DNM3: variants seen among roughly 807,000 people sequenced by gnomAD.
DNM3 encodes dynamin-3.
Under a neutral mutation model 101.6 loss-of-function variants are expected in DNM3, and 47 were observed. The ratio of observed to expected loss-of-function variants is 0.46; its 90% CI spans 0.37 to 0.59. The LOEUF (loss-of-function observed/expected upper bound fraction) is 0.59, where lower values mean the gene tolerates loss of function less well. Among genes scored for constraint, DNM3 ranks in the 20% least tolerant of loss-of-function variants. The probability of loss-of-function intolerance (pLI) is 0.00; values close to 1 mark genes in which losing one functional copy is unlikely to be tolerated. For synonymous variants in DNM3, 385 were observed against 387.9 expected, an observed-to-expected ratio of 0.99 and a Z score of 0.09; for missense variants, 849 against 1,085.7, an observed-to-expected ratio of 0.78 and a Z score of 3.06.
intron 17 of DNM3, among the ~76,000 whole-genome samples, chr1:172,375,810 A>G (rs1014301778): frequency 2.7e-5 from 4 of 149,798 alleles, no homozygotes; most frequent in Non-Finnish European, 4.4e-5. Context: ...GGAATTTGAG[A>G]TAAGCCTGGG....
At chr1:172,014,229 C>G (rs1440445265) in intron 4 of DNM3, among the ~76,000 whole-genome samples, 2 of 152,088 alleles carry the variant, frequency 1.3e-5, no homozygotes, top group East Asian at 3.8e-4. Context: ...TTTGCAGCAA[C>G]CTGGATGGAA....
At chr1:171,999,613 G>A (rs147331122) in intron 4 of DNM3, among the ~76,000 whole-genome samples, 119 of 152,138 alleles carry the variant, frequency 7.8e-4, no homozygotes, top group Middle Eastern at 3.4e-3. Context: ...AAAGATATAT[G>A]TAAAGCCCAA....
rs41263736 is a variant in DNM3 at position 172,411,326 on chromosome 1, G to A, written c.*3485G>A. On this transcript the variant is annotated 3_prime_UTR_variant, in exon 21 of 21. Transcript: ENST00000627582. ...AAGCTCATAATTACCATGACAACAT[G>A]GTAATGTCCATAGACATTTGTATCT... 0.062 allele frequency: 60,935 copies of A among 984,910 alleles called. 1,944 individuals are homozygous for A. Among genetic ancestry groups the A allele is most frequent in the Middle Eastern group, 0.11 (215 of 1,914 alleles). The allele number at this position is 984,910 out of a possible 1,614,324, so 61.0% of individuals were successfully genotyped here. A position where few individuals can be genotyped will look rare whatever the true frequency, so the allele number is the denominator to read the frequency against.
At chr1:172,312,920 G>T (rs2065142920) in intron 16 of DNM3, among the ~76,000 whole-genome samples, 1 of 152,112 alleles carries the variant, frequency 6.6e-6, no homozygotes, top group Non-Finnish European at 1.5e-5. Flanking sequence ...GCAAAATGTA[G>T]AATTTTTGTC....
At chr1:172,304,369 G>C (rs1573380699) in intron 15 of DNM3, among the ~76,000 whole-genome samples, 1 of 151,980 alleles carries the variant, frequency 6.6e-6, no homozygotes, top group African/African-American at 2.4e-5. Flanking sequence ...CAATACAGGA[G>C]CACCCAGATT....
chr1:172,053,762 T>C (rs1373243768), intron 10 of DNM3, among the ~76,000 whole-genome samples: 2 of 152,210 alleles, frequency 1.3e-5, no homozygotes, highest in Non-Finnish European at 2.9e-5. Flanking sequence ...ATCCTTTTCC[T>C]TATGCTGCAT....
chr1:172,150,930 A>G (rs1330261341), intron 14 of DNM3, among the ~76,000 whole-genome samples: 1 of 152,156 alleles, frequency 6.6e-6, no homozygotes, highest in Non-Finnish European at 1.5e-5. Context: ...TCTTTTTGAA[A>G]AGCCATCATA....
intron 15 of DNM3, among the ~76,000 whole-genome samples, chr1:172,291,585 A>G (rs2063918319): frequency 6.6e-6 from 1 of 152,198 alleles, no homozygotes; most frequent in Non-Finnish European, 1.5e-5. Context: ...AAGATTCTCC[A>G]TTAAGTATGA....
chr1:172,208,614 T>A (rs996391735), intron 14 of DNM3, among the ~76,000 whole-genome samples: 2 of 152,052 alleles, frequency 1.3e-5, no homozygotes, highest in Non-Finnish European at 2.9e-5. Context: ...TCCATAACCA[T>A]GAGAGCAAAT....
intron 1 of DNM3, among the ~76,000 whole-genome samples, chr1:171,854,708 C>G (rs2033392855): frequency 6.6e-6 from 1 of 151,836 alleles, no homozygotes; most frequent in Admixed American, 6.6e-5. Flanking sequence ...TCCTGAAGAG[C>G]TGGGATTACA....
chr1:171,928,311 G>A (rs2040738993), intron 2 of DNM3, among the ~76,000 whole-genome samples: 1 of 152,046 alleles, frequency 6.6e-6, no homozygotes, highest in African/African-American at 2.4e-5. Flanking sequence ...TGGCATTCCT[G>A]GGCTTCTCAC....
Position 172,411,482 on chromosome 1 carries a change from C to T in DNM3, c.*3641C>T. 1 of 983,042 alleles carries T rather than the reference C, an allele frequency of 1.0e-6. No individual in the cohort carries two copies. The highest frequency in any genetic ancestry group is 1.2e-6 in the Non-Finnish European group (1 of 829,250). 60.9% of individuals were successfully genotyped at this position (983,042 alleles called of 1,614,324 possible). On this transcript the variant is annotated 3_prime_UTR_variant, in exon 21 of 21. Transcript: ENST00000627582. The stretch of plus-strand genomic sequence containing the variant: ...TATAAATTATTTTTGGATTGCTGAG[C>T]TGAATCTTAAAAAGCCAAGTTGATA...
At chr1:171,868,659 G>A (rs2034989428) in intron 1 of DNM3, among the ~76,000 whole-genome samples, 1 of 152,132 alleles carries the variant, frequency 6.6e-6, no homozygotes, top group Non-Finnish European at 1.5e-5. Flanking sequence ...GGCAACTCTG[G>A]CTTGTTTTAT....
chr1:172,144,366 C>G (rs984098196), intron 14 of DNM3: 1 of 208,988 alleles, frequency 4.8e-6, no homozygotes, highest in Non-Finnish European at 1.0e-5. Flanking sequence ...AGGCCTTACC[C>G]GCTGGTCTTC....
At chr1:171,905,739 T>G (rs1428792588) in intron 1 of DNM3, among the ~76,000 whole-genome samples, 1 of 152,174 alleles carries the variant, frequency 6.6e-6, no homozygotes, top group East Asian at 1.9e-4. Context: ...TTTGAATAGA[T>G]TTTTGGAAAT....
At chr1:172,359,977 T>C (rs1375592524) in intron 17 of DNM3, among the ~76,000 whole-genome samples, 1 of 151,992 alleles carries the variant, frequency 6.6e-6, no homozygotes, top group Non-Finnish European at 1.5e-5. Context: ...TAATCAACTG[T>C]ATACTATGAC....
chr1:172,220,563 T>C (rs1339049185), intron 14 of DNM3, among the ~76,000 whole-genome samples: 1 of 152,074 alleles, frequency 6.6e-6, no homozygotes, highest in Non-Finnish European at 1.5e-5. Flanking sequence ...CTTGAAAATT[T>C]TCTCTTTATC....
At chr1:172,043,319 G>A (rs2049528219) in intron 8 of DNM3, among the ~76,000 whole-genome samples, 1 of 152,158 alleles carries the variant, frequency 6.6e-6, no homozygotes, top group South Asian at 2.1e-4. Flanking sequence ...GTATGGAGAA[G>A]TGAATTAGGA....
intron 1 of DNM3, among the ~76,000 whole-genome samples, chr1:171,849,757 G>A (rs1375243732): frequency 2.6e-5 from 4 of 151,566 alleles, no homozygotes; most frequent in Admixed American, 2.0e-4. Context: ...TTAATCCTTC[G>A]AATTTCTGTG....
Sources: gnomAD v4.1 joint callset for allele counts (sites outside exome capture counted in the v4.1 genomes callset) on GRCh38, gnomAD v4.1.1 for gene constraint, MANE v1.5 for transcripts, NCBI Gene and HGNC (gene_info 2026-07-23, HGNC 2026-07-21) for gene names.